Variants in NOX4 observed in about 807,000 individuals in gnomAD.
NOX4 encodes NADPH oxidase 4, also known as kidney oxidase-1.
Under a neutral mutation model 87.6 loss-of-function variants are expected in NOX4, and 69 were observed. The observed-to-expected ratio is 0.79, with a 90% confidence interval of 0.65 to 0.96. The LOEUF (loss-of-function observed/expected upper bound fraction) is 0.96. Ranked by LOEUF, NOX4 falls within the 40% of genes least tolerant of loss-of-function variation. The pLI is 0.00. For synonymous variants in NOX4, 275 were observed against 238.2 expected, an observed-to-expected ratio of 1.15 and a Z score of -1.42; for missense variants, 680 against 681.5, an observed-to-expected ratio of 1.00 and a Z score of 0.02.
chr11:89,434,687 A>G (rs1244111593), intron 6 of NOX4, among the ~76,000 whole-genome samples: 1 of 152,080 alleles, frequency 6.6e-6, no homozygotes, highest in African/African-American at 2.4e-5. Flanking sequence ...TTTAACAGTC[A>G]AAGTCTATAA....
At chr11:89,379,170 A>T (rs1233881756) in intron 11 of NOX4, among the ~76,000 whole-genome samples, 1 of 152,162 alleles carries the variant, frequency 6.6e-6, no homozygotes, top group Non-Finnish European at 1.5e-5. Context: ...TAAGAATAAT[A>T]AAGAGATGTC....
chr11:89,421,767 T>C (rs1208793451), intron 8 of NOX4, 135 bp downstream of exon 8: 1 of 538,686 alleles, frequency 1.9e-6, no homozygotes, highest in Non-Finnish European at 3.3e-6. Context: ...CTTGACGTTA[T>C]CCTCAATAGT....
At chr11:89,409,637 T>C (rs768900852) in intron 8 of NOX4, among the ~76,000 whole-genome samples, 1 of 152,074 alleles carries the variant, frequency 6.6e-6, no homozygotes, top group Non-Finnish European at 1.5e-5. Flanking sequence ...ATAATTACTA[T>C]AGAGAAATAC....
At chr11:89,489,412 C>T (rs1435940659) in intron 2 of NOX4, among the ~76,000 whole-genome samples, 1 of 152,126 alleles carries the variant, frequency 6.6e-6, no homozygotes, top group African/African-American at 2.4e-5. Context: ...CAGGGTTTTA[C>T]ACTTTTTGCT....
At chr11:89,425,495 G>A (rs181465726) in intron 7 of NOX4, among the ~76,000 whole-genome samples, 115 of 151,140 alleles carry the variant, frequency 7.6e-4, no homozygotes, top group African/African-American at 2.5e-3. Context: ...CCTATATTGC[G>A]ATGTGCTGTG....
the NOX4 span, among the ~76,000 whole-genome samples, chr11:89,556,600 G>C: frequency 6.6e-6 from 1 of 152,058 alleles, no homozygotes; most frequent in Admixed American, 6.6e-5. Flanking sequence ...ACAAATCCAT[G>C]GGGAGTTATT....
chr11:89,478,443 A>T (rs1479591264), intron 2 of NOX4, among the ~76,000 whole-genome samples: 1 of 152,180 alleles, frequency 6.6e-6, no homozygotes, highest in Non-Finnish European at 1.5e-5. Context: ...CACAAAATCC[A>T]TGTTCTTTTC....
the NOX4 span, among the ~76,000 whole-genome samples, chr11:89,511,909 T>C: frequency 2.0e-5 from 3 of 152,042 alleles, no homozygotes; most frequent in Non-Finnish European, 2.9e-5. Context: ...ACTGAAATAA[T>C]AAACATATTG....
the NOX4 span, among the ~76,000 whole-genome samples, chr11:89,562,416 T>C: frequency 6.6e-6 from 1 of 152,056 alleles, no homozygotes; most frequent in Non-Finnish European, 1.5e-5. Flanking sequence ...CTGCCCCTTC[T>C]TCTCCTCCCC....
At chr11:89,516,495 T>G in the NOX4 span, among the ~76,000 whole-genome samples, 1 of 152,034 alleles carries the variant, frequency 6.6e-6, no homozygotes, top group Non-Finnish European at 1.5e-5. Flanking sequence ...TTTTTAAATC[T>G]CAAGATAAGA....
upstream of NOX4, among the ~76,000 whole-genome samples, chr11:89,498,590 C>A (rs565580741): frequency 6.6e-6 from 1 of 152,156 alleles, no homozygotes; most frequent in South Asian, 2.1e-4. Flanking sequence ...TTTCCACTTG[C>A]AAGCATATAT....
the NOX4 span, among the ~76,000 whole-genome samples, chr11:89,509,466 C>G: frequency 6.6e-6 from 1 of 152,000 alleles, no homozygotes; most frequent in Admixed American, 6.6e-5. Flanking sequence ...CAGTCCAGTG[C>G]TGCCCCTGCC....
chr11:89,546,600 C>T, the NOX4 span: 2 of 152,150 alleles, frequency 1.3e-5, no homozygotes, highest in African/African-American at 2.4e-5. Context: ...TAATACCACG[C>T]ACTGGGTAGT....
chr11:89,400,647 C>G (rs1324678586), intron 9 of NOX4, among the ~76,000 whole-genome samples: 1 of 151,900 alleles, frequency 6.6e-6, no homozygotes, highest in Non-Finnish European at 1.5e-5. Flanking sequence ...AGTATATATT[C>G]TTTCATACAC....
At chr11:89,500,576 C>A (rs1390642332), upstream of NOX4, among the ~76,000 whole-genome samples, 1 of 152,070 alleles carries the variant, frequency 6.6e-6, no homozygotes, top group Non-Finnish European at 1.5e-5. Context: ...CATGTTTCTA[C>A]AAATGAGATG....
At chr11:89,538,625 G>T in the NOX4 span, among the ~76,000 whole-genome samples, 1 of 152,196 alleles carries the variant, frequency 6.6e-6, no homozygotes, top group African/African-American at 2.4e-5. Context: ...ATATGGAAAT[G>T]ACCTTTCTAC....
rs1276561916 is a variant in NOX4, at chr11:89,405,515, C to CA, written c.630-2974dup. Among the ~76,000 whole-genome samples the CA allele has an allele frequency of 2.0e-5, 3 of 150,754 alleles. No homozygotes were observed. The South Asian group carries it at 6.3e-4, about 32-fold the overall frequency. On this transcript the variant is annotated intron_variant, in intron 8 of 17. Coordinates refer to ENST00000263317, the MANE Select transcript of NOX4 (RefSeq NM_016931.5). ...ACAATATGGTATATGCCTAAAAACA[C>CA]AAAAAACAAACAGAATAGAGAGCTC...
the NOX4 span, among the ~76,000 whole-genome samples, chr11:89,558,846 C>T: frequency 6.6e-6 from 1 of 152,122 alleles, no homozygotes; most frequent in Non-Finnish European, 1.5e-5. Context: ...TCTCTCTTTA[C>T]TTCAGTTGTC....
intron 11 of NOX4, among the ~76,000 whole-genome samples, chr11:89,378,650 G>A (rs1940043139): frequency 6.6e-6 from 1 of 151,904 alleles, no homozygotes; most frequent in Non-Finnish European, 1.5e-5. Context: ...AAAAATATAG[G>A]AGAAAAATAT....
Sources: gnomAD v4.1 joint callset for allele counts (sites outside exome capture counted in the v4.1 genomes callset) on GRCh38, gnomAD v4.1.1 for gene constraint, MANE v1.5 for transcripts, NCBI Gene and HGNC (gene_info 2026-07-23, HGNC 2026-07-21) for gene names.